Variants in C18orf54 observed in about 807,000 individuals in gnomAD.
C18orf54 encodes chromosome 18 open reading frame 54, also known as lung adenoma susceptibility protein 2.
In C18orf54, 49 loss-of-function variants were observed where a neutral mutation model predicts 49.3. The observed-to-expected ratio is 0.99, with a 90% confidence interval of 0.79 to 1.26. The LOEUF (loss-of-function observed/expected upper bound fraction) is 1.26, where lower values mean the gene tolerates loss of function less well. Ranked by LOEUF, C18orf54 falls within the 50% of genes most tolerant of loss-of-function variation. The probability of loss-of-function intolerance (pLI) is 0.00; values close to 1 mark genes in which losing one functional copy is unlikely to be tolerated. For missense variants in C18orf54, 687 were observed against 620.6 expected, an observed-to-expected ratio of 1.11 and a Z score of -1.14; for synonymous variants, 211 against 216.6, an observed-to-expected ratio of 0.97 and a Z score of 0.23.
intron 6 of C18orf54, among the ~76,000 whole-genome samples, chr18:54,371,354 G>GT (rs1209953508): frequency 3.9e-5 from 6 of 152,046 alleles, no homozygotes; most frequent in Admixed American, 3.3e-4. Flanking sequence ...GTTTTCCATT[G>GT]TATGTATGTA....
chr18:54,365,528 G>C (rs906529645), intron 5 of C18orf54, among the ~76,000 whole-genome samples, 191 bp from the exon 6 acceptor site: 3 of 151,756 alleles, frequency 2.0e-5, no homozygotes, highest in African/African-American at 7.3e-5. Context: ...AGATAAGAAG[G>C]GGTTGGATTC....
At chr18:54,367,581 T>C (rs747994948) in intron 6 of C18orf54, among the ~76,000 whole-genome samples, 5 of 152,278 alleles carry the variant, frequency 3.3e-5, no homozygotes, top group East Asian at 1.9e-4. Flanking sequence ...TGCAGAGATA[T>C]CTACTGTCAG....
In C18orf54 at chr18:54,362,170, C is replaced by G. The variant is rs1400008506; in HGVS notation, c.811C>G (p.Leu271Val). ...YPVWLHNQDL[L>V]PDANSQRVYQ... ...AGTCTGGCTGCACAATCAAGACTTG[C>G]TACCTGATGCAAATAGTCAAAGGGT... The change falls in exon 4 of 9, where the codon CTA (leucine) becomes GTA (valine). Residue 271 changes from leucine (L) to valine (V), a missense_variant. Leu to Val is a conservative substitution (Grantham distance 32). Coordinates refer to ENST00000620105, the MANE Select transcript of C18orf54 (RefSeq NM_001288980.2). 6.5e-7 allele frequency: 1 copy of G among 1,536,148 alleles called. No individual in the cohort carries two copies.
rs374728339 is a variant in C18orf54 at position 54,361,790 on chromosome 18, C to T, written c.431C>T (p.Pro144Leu). Residue 144 changes from proline to leucine, a missense_variant, in exon 4 of 9, where the codon CCG (proline) becomes CTG (leucine). Physicochemically the swap from Pro to Leu is moderately conservative, Grantham distance 98. Transcript: ENST00000620105. ...TCATTTTCTTATACTTATGTTGGAC[C>T]GAGTCACCGAACGAGCAAGAAAAAC... is the stretch of plus-strand genomic sequence containing the variant. ...DGSFSYTYVG[P>L]SHRTSKKNKK... 1.9e-5 allele frequency: 31 copies of T among 1,613,768 alleles called. No individual in the cohort carries two copies. Among genetic ancestry groups the T allele is most frequent in the East Asian group, 8.9e-5 (4 of 44,872 alleles).
rs2089174691 is a variant in C18orf54, at chr18:54,357,917, G to A, written c.-302G>A. ...CACCGCAGGCCGGCGCCATGTTGGG[G>A]CGGTTTGAAAGCGAGCGCGGGTGTC... On this transcript the variant is annotated 5_prime_UTR_variant, in exon 1 of 9. Coordinates refer to ENST00000620105, the MANE Select transcript of C18orf54 (RefSeq NM_001288980.2). 6.6e-6 allele frequency: 1 copy of A among 152,310 alleles called. No homozygotes were observed. The highest frequency in any genetic ancestry group is 1.5e-5 in the Non-Finnish European group (1 of 68,088). The allele number at this position is 152,310 out of a possible 1,614,324, so 9.4% of individuals were successfully genotyped here. A position where few individuals can be genotyped will look rare whatever the true frequency, so the allele number is the denominator to read the frequency against.
In C18orf54 at chr18:54,361,736, A is replaced by C. The variant is rs765325766; in HGVS notation, c.377A>C (p.Asp126Ala). ...ATAGACTCCATGAGCCTAACAACTG[A>C]TGATCTATTAAGACTCCCAGCAGAT... ...NDIDSMSLTTDDLLRLPADGS... is the reference protein window; with the variant it reads ...NDIDSMSLTTADLLRLPADGS... The change falls in exon 4 of 9, where the codon GAT (aspartate) becomes GCT (alanine). Residue 126 changes from aspartate (D) to alanine (A), a missense_variant. Coordinates refer to ENST00000620105, the MANE Select transcript of C18orf54 (RefSeq NM_001288980.2). 7 of 1,613,934 alleles carry C rather than the reference A, an allele frequency of 4.3e-6. No individual in the cohort carries two copies. In the South Asian group the frequency reaches 7.7e-5, roughly 18 times the overall value.
At position 54,378,248 on chromosome 18, in the gene C18orf54, G is replaced by A; in HGVS notation, c.*2G>A. On this transcript the variant is annotated 3_prime_UTR_variant, in exon 9 of 9. Transcript: ENST00000620105. ...GGAGAACGGTCACCGAAAATGTGAAGAGGAAAATGAAACTGTCACCACAAT... is the reference window on the plus strand; with the variant it reads ...GGAGAACGGTCACCGAAAATGTGAAAAGGAAAATGAAACTGTCACCACAAT... 1.2e-6 allele frequency: 2 copies of A among 1,612,066 alleles called. No individual in the cohort carries two copies. Among genetic ancestry groups the A allele is most frequent in the Non-Finnish European group, 1.7e-6 (2 of 1,178,428 alleles).
chr18:54,376,005 G>GT (rs1464641088), intron 8 of C18orf54, among the ~76,000 whole-genome samples: 1 of 152,024 alleles, frequency 6.6e-6, no homozygotes, highest in Non-Finnish European at 1.5e-5. Flanking sequence ...TTCTGGTTAG[G>GT]TATATGGTCA....
intron 3 of C18orf54, 56 bp from the exon 4 acceptor site, chr18:54,361,587 G>C (rs2089269465): frequency 2.9e-6 from 4 of 1,394,758 alleles, no homozygotes; most frequent in Non-Finnish European, 3.9e-6. Flanking sequence ...CTCATTTACT[G>C]TTGGATATTA....
intron 5 of C18orf54, among the ~76,000 whole-genome samples, chr18:54,363,490 G>C (rs759407492): frequency 1.3e-5 from 2 of 151,884 alleles, no homozygotes; most frequent in Admixed American, 6.6e-5. Flanking sequence ...GCTAATTTTT[G>C]TATTTTTAGT....
intron 6 of C18orf54, among the ~76,000 whole-genome samples, chr18:54,369,571 C>T (rs1254647248): frequency 6.9e-6 from 1 of 145,476 alleles, no homozygotes; most frequent in Non-Finnish European, 1.5e-5. Flanking sequence ...CAGGTTCAAG[C>T]AGTTTTCCTG....
At chr18:54,371,772 A>G (rs1568189040) in intron 6 of C18orf54, among the ~76,000 whole-genome samples, 1 of 152,130 alleles carries the variant, frequency 6.6e-6, no homozygotes, top group African/African-American at 2.4e-5. Context: ...AATTACAGAC[A>G]TCTGTACAGT....
At chr18:54,358,273 CTG>C (rs2089187357) in intron 1 of C18orf54, among the ~76,000 whole-genome samples, 198 bp downstream of exon 1, 1 of 152,034 alleles carries the variant, frequency 6.6e-6, no homozygotes, top group South Asian at 2.1e-4. Flanking sequence ...AGGAAGAACA[CTG>C]TAGGGGGAGT....
intron 2 of C18orf54, 72 bp from the exon 3 acceptor site, chr18:54,360,455 A>T: frequency 1.1e-6 from 1 of 898,902 alleles, no homozygotes; most frequent in Non-Finnish European, 1.7e-6. Flanking sequence ...CAAAAGGTTT[A>T]CATATTTAGT....
At chr18:54,377,125 T>C (rs2089588108) in intron 8 of C18orf54, among the ~76,000 whole-genome samples, 1 of 152,042 alleles carries the variant, frequency 6.6e-6, no homozygotes, top group South Asian at 2.1e-4. Context: ...AGTCTCCACC[T>C]CCTGGCAAGC....
Position 54,360,675 on chromosome 18 carries a change from G to A in C18orf54, c.103G>A (p.Asp35Asn). ...TLSGSNSSNS[D>N]GSFHYKDKLY... ...GAGTGGTAGTAATTCCTCTAATTCT[G>A]ATGGCTCGTTTCACTATAAAGATAA... Residue 35 changes from aspartate (D) to asparagine (N), a missense_variant, in exon 3 of 9, where the codon GAT becomes AAT. Coordinates refer to ENST00000620105, the MANE Select transcript of C18orf54 (RefSeq NM_001288980.2). 6.2e-7 allele frequency: 1 copy of A among 1,614,054 alleles called. No homozygotes were observed. Among genetic ancestry groups the A allele is most frequent in the Non-Finnish European group, 8.5e-7 (1 of 1,179,940 alleles).
chr18:54,372,787 G>A (rs548766017), intron 7 of C18orf54, among the ~76,000 whole-genome samples, 190 bp downstream of exon 7: 1 of 151,860 alleles, frequency 6.6e-6, no homozygotes, highest in Admixed American at 6.6e-5. Context: ...ATTTCTGTAG[G>A]TGTTTATCTC....
At position 54,362,932 on chromosome 18, in the gene C18orf54, G is replaced by A. The variant is rs2089302054; in HGVS notation, c.1223+11G>A. 1.3e-6 allele frequency: 2 copies of A among 1,580,268 alleles called. No homozygotes were observed. The highest frequency in any genetic ancestry group is 2.4e-5 in the South Asian group (2 of 84,902). ...TATTCCTGTTACTTTGTAAGTAAGTGGCAATGGAAAAACTGTTTAGTTTTC... is the reference window on the plus strand; with the variant it reads ...TATTCCTGTTACTTTGTAAGTAAGTAGCAATGGAAAAACTGTTTAGTTTTC... On this transcript the variant is annotated intron_variant, in intron 5 of 8. Coordinates refer to ENST00000620105, the MANE Select transcript of C18orf54 (RefSeq NM_001288980.2).
In C18orf54 at chr18:54,366,523, TTCTA is replaced by T. The variant is rs1488356905; in HGVS notation, c.1326+706_1326+709del. 2.0e-5 allele frequency among the ~76,000 whole-genome samples: 3 copies of T among 152,164 alleles called. No individual in the cohort carries two copies. In the East Asian group the frequency reaches 5.8e-4, roughly 29 times the overall value. On this transcript the variant is annotated intron_variant, in intron 6 of 8. Transcript: ENST00000620105. ...TATATATGTCACATTTTCTTTACCCTTCTATCTGTTGATGGATACTTAGGTTGAG... is the reference window on the plus strand; with the variant it reads ...TATATATGTCACATTTTCTTTACCCTTCTGTTGATGGATACTTAGGTTGAG...
Sources: allele counts gnomAD v4.1 joint callset (sites outside exome capture counted in the v4.1 genomes callset), GRCh38; gene constraint gnomAD v4.1.1; transcripts MANE v1.5; gene names NCBI Gene and HGNC (gene_info 2026-07-23, HGNC 2026-07-21).